MYOM3: variants seen among roughly 807,000 people sequenced by gnomAD.
The protein encoded by MYOM3 is myomesin-3.
MYOM3 carries 155 observed loss-of-function variants against 191.7 expected under a neutral mutation model. That is an observed-to-expected ratio of 0.81 (90% CI 0.71 to 0.92). The LOEUF (loss-of-function observed/expected upper bound fraction) is 0.92, where lower values mean the gene tolerates loss of function less well. Among genes scored for constraint, MYOM3 ranks in the 40% least tolerant of loss-of-function variants. The pLI, the probability that MYOM3 is intolerant of heterozygous loss-of-function variation, is 0.00. For missense variants in MYOM3, 1,889 were observed against 1,890.6 expected (o/e 1.00, Z 0.02); for synonymous variants, 757 against 762.9 (o/e 0.99, Z 0.13).
chr1:24,066,692 G>A, intron 28 of MYOM3: 1 of 393,756 alleles, frequency 2.5e-6, no homozygotes, highest in Non-Finnish European at 4.5e-6. Flanking sequence ...TCTGAGCACA[G>A]GGTAATCATA....
chr1:24,099,592 CA>C, intron 6 of MYOM3, 87 bp downstream of exon 6: 1 of 1,046,164 alleles, frequency 9.6e-7, no homozygotes, highest in South Asian at 1.3e-5. Flanking sequence ...ACTTGGGCCT[CA>C]GCTCCGAGGA....
In MYOM3 at chr1:24,108,953, C is replaced by G. The variant is rs1644018071; in HGVS notation, c.-18-299G>C. On this transcript the variant is annotated intron_variant, in intron 1 of 36. Coordinates refer to ENST00000374434, the MANE Select transcript of MYOM3 (RefSeq NM_152372.4). Reference sequence around the variant, plus strand: ...TAGCTGCTTCCAGCTGCAGCCCAGCCCTTGTCTCACTGTATGATCTGTGGC... The same window carrying G: ...TAGCTGCTTCCAGCTGCAGCCCAGCGCTTGTCTCACTGTATGATCTGTGGC... Among the ~76,000 whole-genome samples the G allele has an allele frequency of 4.6e-5, 7 of 152,238 alleles. No individual in the cohort carries two copies. In the South Asian group the frequency reaches 1.4e-3, roughly 31 times the overall value.
intron 25 of MYOM3, 115 bp from the exon 26 acceptor site, chr1:24,068,482 G>T (rs1238751874): frequency 1.0e-5 from 13 of 1,281,810 alleles, no homozygotes; most frequent in Non-Finnish European, 1.3e-5. Flanking sequence ...AGCCTTCAGA[G>T]ACTGGGGCTG....
In MYOM3 at chr1:24,094,852, C is replaced by T. The variant is rs753907767; in HGVS notation, c.928+1G>A. 6.2e-7 allele frequency: 1 copy of T among 1,610,456 alleles called. No individual in the cohort carries two copies. The highest frequency in any genetic ancestry group is 2.2e-5 in the East Asian group (1 of 44,868). On this transcript the variant is annotated splice_donor_variant, in intron 9 of 36. Coordinates refer to ENST00000374434, the MANE Select transcript of MYOM3 (RefSeq NM_152372.4). LOFTEE classifies it high-confidence loss of function. ...TGGGGGCCAGGACTGGGGGTCCTTA[C>T]CATCTCGGAACCACTGGATGCTCTC...
chr1:24,101,360 T>C (rs940182338), intron 5 of MYOM3, among the ~76,000 whole-genome samples: 5 of 152,162 alleles, frequency 3.3e-5, no homozygotes, highest in Admixed American at 2.6e-4. Flanking sequence ...AAACTCCAGG[T>C]CCAGGCTGCA....
intron 9 of MYOM3, 73 bp from the exon 10 acceptor site, chr1:24,093,181 G>A (rs528340168): frequency 3.1e-6 from 3 of 968,050 alleles, no homozygotes; most frequent in East Asian, 4.9e-5. Context: ...CAGAAACTGG[G>A]GGGTCTGGAG....
Position 24,111,917 on chromosome 1 carries a change from CACAA to C in MYOM3, c.-19+110_-19+113del, listed in dbSNP as rs761040023. ...TTTCACAACACACAACACACATACA[CACAA>C]ACACACACACGTGCACACACACACA... On this transcript the variant is annotated intron_variant, in intron 1 of 36. Transcript: ENST00000374434. This position sits in a 1 kb window ranked among gnomAD's most constrained non-coding sequence, Gnocchi z 4.7. 1.3e-5 allele frequency: 2 copies of C among 152,122 alleles called. No individual in the cohort carries two copies. The highest frequency in any genetic ancestry group is 2.9e-5 in the Non-Finnish European group (2 of 68,086). The allele number at this position is 152,122 out of a possible 1,614,324, so 9.4% of individuals were successfully genotyped here.
chr1:24,102,471 C>CT (rs1643944774), intron 5 of MYOM3, among the ~76,000 whole-genome samples: 1 of 152,184 alleles, frequency 6.6e-6, no homozygotes. Context: ...CTCCCTCTCT[C>CT]TGGGCCTTAG....
chr1:24,057,825 G>C (rs1643321430), intron 36 of MYOM3, among the ~76,000 whole-genome samples, 198 bp from the exon 37 acceptor site: 1 of 151,998 alleles, frequency 6.6e-6, no homozygotes, highest in East Asian at 1.9e-4. Flanking sequence ...ATTTTATTTT[G>C]AGATGGAGTC....
chr1:24,062,971 G>A (rs982769275), intron 32 of MYOM3, among the ~76,000 whole-genome samples, 155 bp downstream of exon 32: 4 of 152,026 alleles, frequency 2.6e-5, no homozygotes, highest in Non-Finnish European at 5.9e-5. Context: ...ACCAGGAAGA[G>A]ACTCTGTCTC....
chr1:24,066,668 T>A, intron 28 of MYOM3: 1 of 368,526 alleles, frequency 2.7e-6, no homozygotes, highest in Admixed American at 4.3e-5. Flanking sequence ...GCGGATGAAA[T>A]AATACTGTGA....
At chr1:24,095,416 G>T (rs577510148) in intron 8 of MYOM3, 26 bp downstream of exon 8, 2 of 1,605,596 alleles carry the variant, frequency 1.2e-6, no homozygotes, top group East Asian at 2.2e-5. Context: ...AGAATCCCAG[G>T]TCCCGTTCTC....
chr1:24,059,226 C>T (rs184232483), intron 35 of MYOM3, among the ~76,000 whole-genome samples: 265 of 152,296 alleles, frequency 1.7e-3, no homozygotes, highest in African/African-American at 6.1e-3. Context: ...TTCTGCCTTC[C>T]AGGCTCAAGC....
chr1:24,062,054 T>A lies in MYOM3; in HGVS notation c.3826A>T (p.Ile1276Phe). Reference sequence around the variant, plus strand: ...TTGGGGTCCAGGATGTGAAGCCAGATCTCATCCAGGGTGGTGCCCGTCCTT... The same window carrying A: ...TTGGGGTCCAGGATGTGAAGCCAGAACTCATCCAGGGTGGTGCCCGTCCTT... ...RIRTGTTLDE[I>F]WLHILDPKDS... Residue 1276 changes from isoleucine (I) to phenylalanine (F), a missense_variant, in exon 33 of 37, where the codon ATC (isoleucine) becomes TTC (phenylalanine). By Grantham distance (21) the Ile-to-Phe change is conservative. Transcript: ENST00000374434. The A allele has an allele frequency of 6.2e-7, 1 of 1,614,140 alleles. No homozygotes were observed. The highest frequency in any genetic ancestry group is 8.5e-7 in the Non-Finnish European group (1 of 1,180,030).
At chr1:24,095,314 A>T (rs11249142) in intron 8 of MYOM3, 128 bp downstream of exon 8, 1 of 933,272 alleles carries the variant, frequency 1.1e-6, no homozygotes. Flanking sequence ...TTACCAGCTC[A>T]TAGACAAACC....
chr1:24,065,863 TGAG>T (rs756016549), intron 29 of MYOM3, 25 bp downstream of exon 29: 2 of 1,513,678 alleles, frequency 1.3e-6, no homozygotes, highest in Non-Finnish European at 1.8e-6. Context: ...AAGGAGAAAG[TGAG>T]CCCTGAAGCT....
At chr1:24,109,935 G>A (rs551773780) in intron 1 of MYOM3, among the ~76,000 whole-genome samples, 42 of 152,362 alleles carry the variant, frequency 2.8e-4, no homozygotes, top group African/African-American at 9.9e-4. Context: ...CAAGGCTCAA[G>A]TCTAGGCCCG....
intron 1 of MYOM3, among the ~76,000 whole-genome samples, chr1:24,109,007 C>T (rs1644018346): frequency 6.6e-6 from 1 of 152,230 alleles, no homozygotes; most frequent in Non-Finnish European, 1.5e-5. Flanking sequence ...GGCCTCAGCT[C>T]CCCAGACAAT....
chr1:24,099,830 T>C, intron 5 of MYOM3, 55 bp from the exon 6 acceptor site: 13 of 1,314,978 alleles, frequency 9.9e-6, no homozygotes, highest in Non-Finnish European at 1.4e-5. Context: ...GGGAGGGGTC[T>C]GGAGCCTCTC....
Sources: gnomAD v4.1 joint callset for allele counts (sites outside exome capture counted in the v4.1 genomes callset) on GRCh38, gnomAD v4.1.1 for gene constraint, Gnocchi (gnomAD v3.1) non-coding constraint, MANE v1.5 for transcripts, NCBI Gene and HGNC (gene_info 2026-07-23, HGNC 2026-07-21) for gene names.